The following HECW1 variants were observed in gnomAD, a reference collection of about 807,000 sequenced individuals.
HECW1 encodes the protein E3 ubiquitin-protein ligase HECW1.
Under a neutral mutation model 182.3 loss-of-function variants are expected in HECW1, and 61 were observed. That is an observed-to-expected ratio of 0.33 (90% CI 0.27 to 0.41). The LOEUF (loss-of-function observed/expected upper bound fraction) is 0.41. Ranked by LOEUF, HECW1 falls within the 10% of genes least tolerant of loss-of-function variation. The pLI, the probability that HECW1 is intolerant of heterozygous loss-of-function variation, is 1.00. For missense variants in HECW1, 1,739 were observed against 2,108.9 expected (o/e 0.82, Z 3.44); for synonymous variants, 859 against 832.6 (o/e 1.03, Z -0.55).
At chr7:43,394,783 A>G (rs1395534672) in intron 6 of HECW1, among the ~76,000 whole-genome samples, 1 of 152,118 alleles carries the variant, frequency 6.6e-6, no homozygotes, top group Admixed American at 6.5e-5. Context: ...TGCAATAGAG[A>G]AAGAGTAATT....
At chr7:43,127,431 G>A (rs1786375237) in intron 2 of HECW1, among the ~76,000 whole-genome samples, 1 of 145,128 alleles carries the variant, frequency 6.9e-6, no homozygotes, top group Non-Finnish European at 1.5e-5. Flanking sequence ...GCTGAAACAG[G>A]AGAATCGCTT....
rs975734806 is a variant in HECW1 at position 43,432,504 on chromosome 7, C to T, written c.802-5499C>T. 6.6e-6 allele frequency among the ~76,000 whole-genome samples: 1 copy of T among 152,152 alleles called. No homozygotes were observed. The stretch of plus-strand genomic sequence containing the variant: ...CTCTAGGAAATCGTCTCTACCTGTC[C>T]ATCAGGCTGAGCCTTTGGGAAGCCT... On this transcript the variant is annotated intron_variant, in intron 8 of 29. Transcript: ENST00000395891. The surrounding 1 kb of genome is among the most constrained non-coding windows in gnomAD (Gnocchi z 4.1).
chr7:43,211,303 A>C (rs1164387547), intron 2 of HECW1, among the ~76,000 whole-genome samples: 5 of 152,138 alleles, frequency 3.3e-5, no homozygotes, highest in African/African-American at 1.2e-4. Context: ...TGTAAATAAA[A>C]CTGCTTTTGG....
At chr7:43,409,761 AAG>A (rs2075735427) in intron 8 of HECW1, among the ~76,000 whole-genome samples, 1 of 152,208 alleles carries the variant, frequency 6.6e-6, no homozygotes, top group Non-Finnish European at 1.5e-5. Context: ...TAACTGGCTA[AAG>A]GAGATTTGAA....
chr7:43,507,323 C>A (rs2079625417), intron 22 of HECW1, 66 bp downstream of exon 22: 11 of 1,493,354 alleles, frequency 7.4e-6, no homozygotes, highest in East Asian at 4.7e-5. Flanking sequence ...CTCCCCTACA[C>A]CCTTGTAATA....
chr7:43,220,460 T>G (rs1049666904), intron 2 of HECW1, among the ~76,000 whole-genome samples: 6 of 152,202 alleles, frequency 3.9e-5, no homozygotes, highest in South Asian at 4.1e-4. Context: ...TCTCCAGAGA[T>G]CAGGCTGATG....
At chr7:43,379,023 T>G (rs1179538074) in intron 6 of HECW1, among the ~76,000 whole-genome samples, 1 of 152,164 alleles carries the variant, frequency 6.6e-6, no homozygotes, top group Non-Finnish European at 1.5e-5. Flanking sequence ...ACAAGCACTG[T>G]GTTGGACTAA....
Position 43,563,332 on chromosome 7 carries a change from A to G in HECW1, c.*1406A>G, listed in dbSNP as rs115530424. ...AACTACATTTGAAATAAACCCAACC[A>G]TAATGGTCATTTGCTATTTTTCTAA... On this transcript the variant is annotated 3_prime_UTR_variant, in exon 30 of 30. Transcript: ENST00000395891. 42 of 210,298 alleles carry G rather than the reference A, an allele frequency of 2.0e-4. No homozygotes were observed. The highest frequency in any genetic ancestry group is 9.1e-4 in the African/African-American group (40 of 44,150). The allele number at this position is 210,298 out of a possible 1,614,324, so 13.0% of individuals were successfully genotyped here.
Position 43,502,432 on chromosome 7 carries a change from G to A in HECW1, c.3631+1110G>A, listed in dbSNP as rs570901533. Among the ~76,000 whole-genome samples the A allele has an allele frequency of 1.3e-3, 197 of 152,266 alleles. 3 individuals carry two copies. The highest frequency in any genetic ancestry group is 1.3e-3 in the East Asian group (7 of 5,186). ...AGCACTTTGGGAAGCTGAGGTGGGC[G>A]GATCACTTGAGCCCAAGAGTTCGAG... On this transcript the variant is annotated intron_variant, in intron 21 of 29. Coordinates refer to ENST00000395891, the MANE Select transcript of HECW1 (RefSeq NM_015052.5).
At chr7:43,555,814 T>C (rs887748800) in intron 29 of HECW1, among the ~76,000 whole-genome samples, 5 of 152,246 alleles carry the variant, frequency 3.3e-5, no homozygotes, top group African/African-American at 1.2e-4. Flanking sequence ...CAAGGGTCTT[T>C]GTTGTTTGCA....
At chr7:43,414,056 T>G (rs1258347208) in intron 8 of HECW1, among the ~76,000 whole-genome samples, 4 of 151,808 alleles carry the variant, frequency 2.6e-5, no homozygotes, top group Admixed American at 2.0e-4. Flanking sequence ...AGTATGGCCA[T>G]TTTCACGATA....
chr7:43,313,953 GTTTGGTTTTGGT>G, intron 4 of HECW1, among the ~76,000 whole-genome samples: 1 of 152,224 alleles, frequency 6.6e-6, no homozygotes. Context: ...GTTTGATTTG[GTTTGGTTTTGGT>G]TTTGGTTTTG....
chr7:43,267,098 G>T (rs933993048), intron 3 of HECW1, among the ~76,000 whole-genome samples: 1 of 152,010 alleles, frequency 6.6e-6, no homozygotes, highest in Non-Finnish European at 1.5e-5. Flanking sequence ...ACATAAAAAA[G>T]ATAAATAATA....
Position 43,443,803 on chromosome 7 carries a change from G to A in HECW1, c.1046-415G>A, listed in dbSNP as rs561222452. 2.0e-5 allele frequency among the ~76,000 whole-genome samples: 3 copies of A among 152,228 alleles called. No individual in the cohort carries two copies. In the South Asian group the frequency reaches 6.2e-4, roughly 32 times the overall value. ...GCCACCCTGCAGGACCTAAGCATAG[G>A]AAACATTCTGAGCAAATGCAATTAA... On this transcript the variant is annotated intron_variant, in intron 10 of 29. Transcript: ENST00000395891.
chr7:43,172,345 A>G (rs1013986367), intron 2 of HECW1, among the ~76,000 whole-genome samples: 1 of 151,872 alleles, frequency 6.6e-6, no homozygotes, highest in Non-Finnish European at 1.5e-5. Context: ...TATTTTCACT[A>G]TGGAAAAAAT....
In HECW1 at chr7:43,444,510, A is replaced by G; in HGVS notation, c.1338A>G (p.Gln446=). The G allele has an allele frequency of 1.2e-6, 2 of 1,612,122 alleles. No homozygotes were observed. The highest frequency in any genetic ancestry group is 1.7e-6 in the Non-Finnish European group (2 of 1,179,278). ...CTGGGGAGCTCCTGGCCCAGGTGCA[A>G]AAGGACATCCAGCCTGCCCCCAGTG... is the stretch of plus-strand genomic sequence containing the variant. ...EGAGELLAQV[Q]KDIQPAPSAE... is the part of the protein sequence containing the mutation. The change falls in exon 11 of 30, where the codon CAA becomes CAG. Residue 446 remains glutamine, a synonymous_variant. Coordinates refer to ENST00000395891, the MANE Select transcript of HECW1 (RefSeq NM_015052.5). This position sits in a 1 kb window ranked among gnomAD's most constrained non-coding sequence, Gnocchi z 4.3.
At chr7:43,474,188 G>A (rs1464474503) in intron 16 of HECW1, among the ~76,000 whole-genome samples, 2 of 152,158 alleles carry the variant, frequency 1.3e-5, no homozygotes, top group Non-Finnish European at 2.9e-5. Flanking sequence ...GGTGGCTCAC[G>A]CCTGTAATCC....
intron 2 of HECW1, among the ~76,000 whole-genome samples, chr7:43,139,613 C>T (rs1449144186): frequency 2.0e-5 from 3 of 151,880 alleles, no homozygotes; most frequent in Non-Finnish European, 4.4e-5. Context: ...TTTTTGTTTC[C>T]ACCTCCATTT....
chr7:43,259,912 C>T lies in HECW1; in HGVS notation c.27+15980C>T, dbSNP rs576464102. ...GAAAACATATTTAAAGAAATAACAG[C>T]TGAAATATATGGGATACAATGAGAA... is the stretch of plus-strand genomic sequence containing the variant. On this transcript the variant is annotated intron_variant, in intron 3 of 29. Coordinates refer to ENST00000395891, the MANE Select transcript of HECW1 (RefSeq NM_015052.5). Among the ~76,000 whole-genome samples, 3 of 152,184 alleles carry T rather than the reference C, an allele frequency of 2.0e-5. No homozygotes were observed. The South Asian group carries it at 6.2e-4, about 32-fold the overall frequency.
Sources: gnomAD v4.1 joint callset for allele counts (sites outside exome capture counted in the v4.1 genomes callset) on GRCh38, gnomAD v4.1.1 for gene constraint, Gnocchi (gnomAD v3.1) non-coding constraint, MANE v1.5 for transcripts, NCBI Gene and HGNC (gene_info 2026-07-23, HGNC 2026-07-21) for gene names.